The following SH2B2 variants were observed in gnomAD, a reference collection of about 807,000 sequenced individuals.
SH2B2 encodes the protein SH2B adaptor protein 2.
SH2B2 carries 37 observed loss-of-function variants against 35.7 expected under a neutral mutation model. That is an observed-to-expected ratio of 1.04 (90% confidence interval 0.80 to 1.36). The LOEUF (loss-of-function observed/expected upper bound fraction) is 1.36, where lower values mean the gene tolerates loss of function less well. Among genes scored for constraint, SH2B2 ranks in the 40% most tolerant of loss-of-function variants. SH2B2 has a pLI of 0.00. For missense variants in SH2B2, 852 were observed against 817.7 expected, an observed-to-expected ratio of 1.04 and a Z score of -0.51; for synonymous variants, 383 against 376.4, an observed-to-expected ratio of 1.02 and a Z score of -0.20.
intron 1 of SH2B2, among the ~76,000 whole-genome samples, chr7:102,299,600 T>C (rs1793068257): frequency 6.6e-6 from 1 of 152,116 alleles, no homozygotes; most frequent in African/African-American, 2.4e-5. Flanking sequence ...GAGTGCTGCA[T>C]GCAGGAAAAA....
chr7:102,301,397 G>T, intron 2 of SH2B2, 118 bp downstream of exon 2: 2 of 1,241,552 alleles, frequency 1.6e-6, no homozygotes, highest in South Asian at 3.3e-5. Flanking sequence ...TTGACAGGGT[G>T]AAGTATTTGG....
rs192823531 is a variant in SH2B2, at chr7:102,297,250, G to A, written c.-29-3272G>A. ...CGCTCGCCACTTAGGAGTTGTCTGG[G>A]TTATTAGATCCAAAAAAAATGTAGC... On this transcript the variant is annotated intron_variant, in intron 1 of 8. Transcript: ENST00000444095. The surrounding 1 kb of genome is among the most constrained non-coding windows in gnomAD (Gnocchi z 4.3). Among the ~76,000 whole-genome samples, 64 of 152,126 alleles carry A rather than the reference G, an allele frequency of 4.2e-4. 2 individuals are homozygous for A. The East Asian group carries it at 9.5e-3, about 23-fold the overall frequency.
chr7:102,302,733 C>T (rs1362373694), intron 2 of SH2B2, among the ~76,000 whole-genome samples: 6 of 152,226 alleles, frequency 3.9e-5, no homozygotes, highest in Admixed American at 6.5e-5. Flanking sequence ...GCCTGCCCAA[C>T]GTCACCCAGC....
chr7:102,299,667 G>A (rs1357642354), intron 1 of SH2B2, among the ~76,000 whole-genome samples: 4 of 152,128 alleles, frequency 2.6e-5, no homozygotes, highest in Admixed American at 6.6e-5. Context: ...CTGAGTCCTC[G>A]GTATATTTCA....
At chr7:102,315,400 A>C (rs1216358472) in intron 6 of SH2B2, among the ~76,000 whole-genome samples, 1 of 151,150 alleles carries the variant, frequency 6.6e-6, no homozygotes, top group African/African-American at 2.4e-5. Flanking sequence ...GCGGATCACA[A>C]CTCACTGCAA....
chr7:102,309,567 GC>G (rs782571694), intron 4 of SH2B2: 46 of 291,018 alleles, frequency 1.6e-4, no homozygotes, highest in Non-Finnish European at 8.2e-5. Context: ...CATCATGTTG[GC>G]CAGGCTGGTC....
At chr7:102,298,034 G>GT (rs1273612454) in intron 1 of SH2B2, among the ~76,000 whole-genome samples, 3 of 152,140 alleles carry the variant, frequency 2.0e-5, no homozygotes, top group Non-Finnish European at 4.4e-5. Flanking sequence ...ATGTGCAAAG[G>GT]TCCTGAGGTA....
chr7:102,309,988 G>T (rs782143518), intron 4 of SH2B2, among the ~76,000 whole-genome samples: 1 of 152,120 alleles, frequency 6.6e-6, no homozygotes. Flanking sequence ...CTGGGCAACA[G>T]AGCAAGATCC....
chr7:102,301,646 A>C (rs1419399134), intron 2 of SH2B2, among the ~76,000 whole-genome samples: 2 of 151,310 alleles, frequency 1.3e-5, no homozygotes, highest in East Asian at 1.9e-4. Context: ...ATCTCGGCTC[A>C]CTGCAACCTG....
chr7:102,300,889 C>T lies in SH2B2; in HGVS notation c.339C>T (p.Gly113=). 2.0e-6 allele frequency: 3 copies of T among 1,468,154 alleles called. No homozygotes were observed. Among genetic ancestry groups the T allele is most frequent in the Non-Finnish European group, 2.7e-6 (3 of 1,114,044 alleles). 90.9% of individuals were successfully genotyped at this position (1,468,154 alleles called of 1,614,324 possible). Residue 113 remains glycine, a synonymous_variant, in exon 2 of 9, where the codon GGC becomes GGT. Coordinates refer to ENST00000444095, the MANE Select transcript of SH2B2 (RefSeq NM_001359228.2). ...CTGCACTCAAGGCGGCGCCCTACGG[C>T]CACTCGCGGAGCTCGGAGGACGTGT... ...DTSALKAAPY[G]HSRSSEDVST...
chr7:102,285,264 T>C (rs1554550659), upstream of SH2B2: 4 of 1,547,800 alleles, frequency 2.6e-6, no homozygotes, highest in Non-Finnish European at 3.5e-6. Flanking sequence ...ACCAGGTTAG[T>C]CCACCGCGGG....
intron 4 of SH2B2, among the ~76,000 whole-genome samples, chr7:102,310,510 A>G (rs1563562554): frequency 6.6e-6 from 1 of 152,056 alleles, no homozygotes; most frequent in Admixed American, 6.6e-5. Flanking sequence ...GAACAGGAAG[A>G]GCAGCAAGAA....
At chr7:102,303,762 C>T (rs1793288312) in intron 2 of SH2B2, among the ~76,000 whole-genome samples, 1 of 152,214 alleles carries the variant, frequency 6.6e-6, no homozygotes, top group Admixed American at 6.5e-5. Context: ...GGGACAGAAG[C>T]CCAGGGCTCC....
rs1251308961 is a variant in SH2B2, at chr7:102,321,498, G to A, written c.1767G>A (p.Gln589=). The stretch of plus-strand genomic sequence containing the variant: ...CCCCCCCGCGCCCCGTCGAGGGCCA[G>A]CTCAGCGCGCGGAGCCGCAGCAACA... ...GPAPPRPVEG[Q]LSARSRSNSA... Residue 589 remains glutamine, a synonymous_variant, in exon 9 of 9, where the codon CAG becomes CAA. Transcript: ENST00000444095. The A allele has an allele frequency of 2.6e-5, 30 of 1,159,528 alleles. No homozygotes were observed. The highest frequency in any genetic ancestry group is 2.5e-4 in the African/African-American group (15 of 61,052). 71.8% of individuals were successfully genotyped at this position (1,159,528 alleles called of 1,614,324 possible).
Position 102,321,381 on chromosome 7 carries a change from C to A in SH2B2, c.1650C>A (p.Leu550=). The A allele has an allele frequency of 1.4e-6, 2 of 1,390,262 alleles. No homozygotes were observed. Among genetic ancestry groups the A allele is most frequent in the Admixed American group, 6.2e-5 (2 of 32,072 alleles). The allele number at this position is 1,390,262 out of a possible 1,614,324, so 86.1% of individuals were successfully genotyped here. The stretch of plus-strand genomic sequence containing the variant: ...CCGGCCAGCACTACTTCTCCAGCCT[C>A]GCCGCGGCCGCCTGCCCGCCTGCCT... ...DSPGQHYFSS[L]AAAACPPASP... is the part of the protein sequence containing the mutation. Residue 550 remains leucine (L), a synonymous_variant, in exon 9 of 9, where the codon CTC becomes CTA. Transcript: ENST00000444095.
rs1554553858 is a variant in SH2B2, at chr7:102,301,329, C to G, written c.729+50C>G. 3 of 1,547,332 alleles carry G rather than the reference C, an allele frequency of 1.9e-6. No homozygotes were observed. The South Asian group carries it at 3.6e-5, about 19-fold the overall frequency. On this transcript the variant is annotated intron_variant, in intron 2 of 8. Transcript: ENST00000444095. ...AGCCTGGGGGGACCAGAGGAGGCAC[C>G]TGGGCAGCAGCTGAGGGTGCCAGGG...
intron 4 of SH2B2, chr7:102,309,130 G>A (rs1554555461): frequency 3.1e-6 from 2 of 650,742 alleles, no homozygotes; most frequent in African/African-American, 1.8e-5. Context: ...CAGGGCCTGG[G>A]GACCTGGAAG....
upstream of SH2B2, chr7:102,286,839 G>C (rs1792470964): frequency 2.4e-5 from 1 of 40,840 alleles, no homozygotes; most frequent in Admixed American, 2.2e-4. Flanking sequence ...GGCGGGGCCG[G>C]GAGGCGCGCG....
intron 1 of SH2B2, among the ~76,000 whole-genome samples, chr7:102,296,000 C>G (rs1459512650): frequency 6.6e-6 from 1 of 152,162 alleles, no homozygotes; most frequent in African/African-American, 2.4e-5. Flanking sequence ...AACGCAATAA[C>G]CACCTCTTGA....
Sources: allele counts gnomAD v4.1 joint callset (sites outside exome capture counted in the v4.1 genomes callset), GRCh38; gene constraint gnomAD v4.1.1; non-coding constraint Gnocchi (gnomAD v3.1); transcripts MANE v1.5; gene names NCBI Gene and HGNC (gene_info 2026-07-23, HGNC 2026-07-21).